The following GCSAML variants were observed in gnomAD, a reference collection of about 807,000 sequenced individuals.
The protein encoded by GCSAML is germinal center associated signaling and motility like, also known as germinal center-associated signaling and motility-like protein.
A neutral mutation model predicts 13.0 loss-of-function variants in GCSAML; 9 were observed. That is an observed-to-expected ratio of 0.69 (90% CI 0.42 to 1.21). The LOEUF is 1.21. Ranked by LOEUF, GCSAML falls within the 50% of genes most tolerant of loss-of-function variation. The probability of loss-of-function intolerance (pLI) is 0.00; values close to 1 mark genes in which losing one functional copy is unlikely to be tolerated. For synonymous variants in GCSAML, 37 were observed against 52.9 expected, an observed-to-expected ratio of 0.70 and a Z score of 1.31; for missense variants, 143 against 153.4, an observed-to-expected ratio of 0.93 and a Z score of 0.36.
intron 2 of GCSAML, among the ~76,000 whole-genome samples, chr1:247,557,282 G>A (rs1034729600): frequency 2.6e-5 from 4 of 151,948 alleles, no homozygotes; most frequent in African/African-American, 4.8e-5. Context: ...TAGACCATAC[G>A]CACTTTAACG....
At chr1:247,568,557 A>G (rs1039452232) in intron 4 of GCSAML, among the ~76,000 whole-genome samples, 4 of 152,152 alleles carry the variant, frequency 2.6e-5, no homozygotes, top group African/African-American at 9.7e-5. Flanking sequence ...TAGCAGTACC[A>G]TGCTGTTTTG....
chr1:247,513,085 T>G (rs575083807), intron 1 of GCSAML, among the ~76,000 whole-genome samples: 38 of 152,152 alleles, frequency 2.5e-4, no homozygotes, highest in Non-Finnish European at 5.4e-4. Flanking sequence ...GGCAGAAATG[T>G]TTGTCTGCTG....
At position 247,527,034 on chromosome 1, in the gene GCSAML, G is replaced by A. The variant is rs1158340681; in HGVS notation, c.-168G>A. The A allele has an allele frequency of 4.4e-6, 2 of 456,590 alleles. No individual in the cohort carries two copies. The highest frequency in any genetic ancestry group is 8.8e-6 in the Non-Finnish European group (2 of 226,984). The allele number at this position is 456,590 out of a possible 1,614,324, so 28.3% of individuals were successfully genotyped here. ...TGTGGAATGCCTGGTGTTTCTTTCA[G>A]TTCTTGGATGCCAATCTGAGGTACA... On this transcript the variant is annotated 5_prime_UTR_variant, in exon 2 of 6. Transcript: ENST00000366489. This position sits in a 1 kb window ranked among gnomAD's most constrained non-coding sequence, Gnocchi z 4.6.
At chr1:247,554,478 T>C (rs1353801642) in intron 1 of GCSAML, among the ~76,000 whole-genome samples, 3 of 152,108 alleles carry the variant, frequency 2.0e-5, no homozygotes, top group Non-Finnish European at 4.4e-5. Context: ...TCTTGTTTCC[T>C]TTTTCTTCTC....
chr1:247,522,926 A>C (rs1412117165), intron 1 of GCSAML, among the ~76,000 whole-genome samples: 1 of 151,594 alleles, frequency 6.6e-6, no homozygotes, highest in African/African-American at 2.4e-5. Flanking sequence ...TAAAAAAAAA[A>C]AAAAAAAAAC....
intron 1 of GCSAML, among the ~76,000 whole-genome samples, chr1:247,522,437 G>A (rs900555347): frequency 5.3e-5 from 8 of 151,610 alleles, no homozygotes; most frequent in African/African-American, 1.2e-4. Flanking sequence ...CATTGAGAAT[G>A]GGCCATGATG....
At chr1:247,567,192 G>A (rs1028509311) in intron 4 of GCSAML, among the ~76,000 whole-genome samples, 1 of 151,444 alleles carries the variant, frequency 6.6e-6, no homozygotes, top group Non-Finnish European at 1.5e-5. Context: ...TAAGTTCTGG[G>A]ATACATGTGC....
rs545982962 is a variant in GCSAML, at chr1:247,522,092, C to T, written c.-262-4848C>T. On this transcript the variant is annotated intron_variant, in intron 1 of 5. Coordinates refer to the GCSAML transcript ENST00000366489. ...CCGCCCCATCTGAGAAGTGAGGAGC[C>T]CCTCCGCCTGGCAGCCGCCCCGTCT... Among the ~76,000 whole-genome samples the T allele has an allele frequency of 4.7e-5, 7 of 150,470 alleles. No individual in the cohort carries two copies. The South Asian group carries it at 8.5e-4, about 18-fold the overall frequency.
At position 247,517,753 on chromosome 1, in the gene GCSAML, CTG is replaced by C. The variant is rs1442554325; in HGVS notation, c.-262-9184_-262-9183del. On this transcript the variant is annotated intron_variant, in intron 1 of 5. Coordinates refer to the GCSAML transcript ENST00000366489. The stretch of plus-strand genomic sequence containing the variant: ...GCAGGCAAGTGAGACTCGCTAAAAA[CTG>C]TGGGTGGTGGAATGGATCCTCCGCA... 3.3e-5 allele frequency among the ~76,000 whole-genome samples: 5 copies of C among 152,290 alleles called. No individual in the cohort carries two copies. The South Asian group carries it at 6.2e-4, about 19-fold the overall frequency.
At chr1:247,560,150 A>G (rs1668074817) in intron 2 of GCSAML, among the ~76,000 whole-genome samples, 1 of 152,176 alleles carries the variant, frequency 6.6e-6, no homozygotes, top group Non-Finnish European at 1.5e-5. Flanking sequence ...CTGATAATCC[A>G]CAGCCCGGAC....
chr1:247,532,645 A>G, intron 2 of GCSAML: 1 of 910,298 alleles, frequency 1.1e-6, no homozygotes, highest in Non-Finnish European at 1.6e-6. Flanking sequence ...ATTCTTTTTT[A>G]GAGACACAAT....
chr1:247,530,100 C>T (rs60234116), intron 2 of GCSAML: 49 of 151,708 alleles, frequency 3.2e-4, no homozygotes, highest in African/African-American at 1.1e-3. Flanking sequence ...TCTGGAGAAC[C>T]CTGACTAATA....
At chr1:247,559,668 G>A (rs1249559041) in intron 2 of GCSAML, among the ~76,000 whole-genome samples, 1 of 152,138 alleles carries the variant, frequency 6.6e-6, no homozygotes, top group Non-Finnish European at 1.5e-5. Context: ...TAGACTGGGT[G>A]GCTTAAAGAA....
chr1:247,574,245 A>T lies in GCSAML; in HGVS notation c.271A>T (p.Asn91Tyr), dbSNP rs141329255. The change falls in exon 5 of 5, where the codon AAC becomes TAC. Residue 91 changes from asparagine to tyrosine, a missense_variant. Physicochemically the swap from Asn to Tyr is moderately radical, Grantham distance 143. Coordinates refer to ENST00000366488, the MANE Select transcript of GCSAML (RefSeq NM_145278.5). Reference protein sequence around the residue: ...SLSSNDDGYENIDSLTRKVRQ... With the variant: ...SLSSNDDGYEYIDSLTRKVRQ... ...GAGCTCCAATGATGATGGCTATGAGAACATTGACTCCCTCACAAGGAAAGT... is the reference window on the plus strand; with the variant it reads ...GAGCTCCAATGATGATGGCTATGAGTACATTGACTCCCTCACAAGGAAAGT... 6.2e-7 allele frequency: 1 copy of T among 1,613,982 alleles called. No homozygotes were observed.
In GCSAML at chr1:247,565,978, G is replaced by A. The variant is rs376815601; in HGVS notation, c.168+19G>A. ...TAATCAGGTAAGTAGAAAACAAAAA[G>A]CAAGACAAAAGAAAAACACAAACTT... On this transcript the variant is annotated intron_variant, in intron 4 of 4. Coordinates refer to ENST00000366488, the MANE Select transcript of GCSAML (RefSeq NM_145278.5). The A allele has an allele frequency of 2.6e-6, 4 of 1,520,514 alleles. No homozygotes were observed. The highest frequency in any genetic ancestry group is 1.9e-4 in the Middle Eastern group (1 of 5,338). The allele number at this position is 1,520,514 out of a possible 1,614,324, so 94.2% of individuals were successfully genotyped here.
At chr1:247,549,644 T>C (rs1485694293) in intron 1 of GCSAML, among the ~76,000 whole-genome samples, 4 of 152,204 alleles carry the variant, frequency 2.6e-5, no homozygotes, top group Admixed American at 2.6e-4. Flanking sequence ...CTGCTTCTCT[T>C]TTTCTTCATG....
intron 1 of GCSAML, chr1:247,525,246 C>G (rs1422618886): frequency 6.6e-6 from 1 of 152,218 alleles, no homozygotes; most frequent in Non-Finnish European, 1.5e-5. Flanking sequence ...AGCAAACAAT[C>G]AATCCTATGG....
chr1:247,545,862 T>C (rs530294735), upstream of GCSAML, among the ~76,000 whole-genome samples: 175 of 152,346 alleles, frequency 1.1e-3, 1 homozygote, highest in Middle Eastern at 0.034. Flanking sequence ...TTCTCATTGT[T>C]ACAGCATAGT....
chr1:247,529,767 A>C (rs1244076459), intron 2 of GCSAML: 6 of 138,472 alleles, frequency 4.3e-5, no homozygotes, highest in Admixed American at 7.8e-5. Context: ...CATTTAAATC[A>C]GTAGACTTTT....
Sources: gnomAD v4.1 joint callset for allele counts (sites outside exome capture counted in the v4.1 genomes callset) on GRCh38, gnomAD v4.1.1 for gene constraint, Gnocchi (gnomAD v3.1) non-coding constraint, MANE v1.5 for transcripts, NCBI Gene and HGNC (gene_info 2026-07-23, HGNC 2026-07-21) for gene names.